The following GREB1L variants were observed in gnomAD, a reference collection of about 807,000 sequenced individuals.
GREB1L encodes GREB1 like retinoic acid receptor coactivator, also known as GREB1-like protein.
Under a neutral mutation model 200.8 loss-of-function variants are expected in GREB1L, and 17 were observed. The observed-to-expected ratio is 0.08, with a 90% CI of 0.06 to 0.13. The LOEUF (loss-of-function observed/expected upper bound fraction) is 0.13, where lower values mean the gene tolerates loss of function less well. Among genes scored for constraint, GREB1L ranks in the 10% least tolerant of loss-of-function variants. The probability of loss-of-function intolerance (pLI) is 1.00; values close to 1 mark genes in which losing one functional copy is unlikely to be tolerated. For synonymous variants in GREB1L, 789 were observed against 893.0 expected (o/e 0.88, Z 2.08); for missense variants, 1,657 against 2,367.7 (o/e 0.70, Z 6.23).
At position 21,268,520 on chromosome 18, in the gene GREB1L, TATACACAC is replaced by T. The variant is rs1382824728; in HGVS notation, c.-120+26129_-120+26136del. On this transcript the variant is annotated intron_variant, in intron 1 of 32. Transcript: ENST00000424526. ...ATATACATATATATATGTATATATA[TATACACAC>T]ACACACACACACACACACACACACA... Among the ~76,000 whole-genome samples the T allele has an allele frequency of 4.0e-5, 3 of 75,046 alleles. 1 individual carries two copies. Among genetic ancestry groups the T allele is most frequent in the African/African-American group, 1.4e-4 (2 of 14,440 alleles). 49.2% of individuals were successfully genotyped at this position (75,046 alleles called of 152,430 possible).
rs1451675422 is a variant in GREB1L, at chr18:21,440,210, T to C, written c.950-59T>C. ...TATATTACTCTGGCGTTCTTTCCTT[T>C]CTTCCACATGGCTGAGAACAAGACT... On this transcript the variant is annotated intron_variant, in intron 8 of 32. Transcript: ENST00000424526. 2.0e-6 allele frequency: 3 copies of C among 1,527,606 alleles called. No individual in the cohort carries two copies. The Admixed American group carries it at 6.0e-5, about 31-fold the overall frequency. 94.6% of individuals were successfully genotyped at this position (1,527,606 alleles called of 1,614,324 possible).
intron 1 of GREB1L, among the ~76,000 whole-genome samples, chr18:21,259,503 C>G (rs2037856311): frequency 1.3e-5 from 2 of 152,114 alleles, no homozygotes; most frequent in African/African-American, 2.4e-5. Context: ...AGTTAAAACA[C>G]AGTAATGTGA....
At chr18:21,253,145 A>G (rs1481341041) in intron 1 of GREB1L, among the ~76,000 whole-genome samples, 2 of 152,172 alleles carry the variant, frequency 1.3e-5, no homozygotes, top group Non-Finnish European at 2.9e-5. Context: ...GACTTGCCCA[A>G]GATCACTAAA....
intron 11 of GREB1L, 29 bp from the exon 12 acceptor site, chr18:21,449,481 A>C: frequency 4.4e-6 from 6 of 1,366,212 alleles, no homozygotes; most frequent in Non-Finnish European, 5.9e-6. Flanking sequence ...TGATTCTTTA[A>C]ATTCCAGCTG....
intron 7 of GREB1L, among the ~76,000 whole-genome samples, chr18:21,435,646 A>G (rs1270875476): frequency 3.3e-5 from 5 of 152,156 alleles, no homozygotes; most frequent in African/African-American, 4.8e-5. Flanking sequence ...AAAAGAAGGG[A>G]AGGGGGAAAA....
At chr18:21,362,650 A>T (rs2039597162) in intron 1 of GREB1L, among the ~76,000 whole-genome samples, 2 of 152,296 alleles carry the variant, frequency 1.3e-5, no homozygotes, top group African/African-American at 2.4e-5. Context: ...CGGGTTGTTA[A>T]TCTCCATAAT....
intron 1 of GREB1L, among the ~76,000 whole-genome samples, chr18:21,273,571 TA>T (rs2038113559): frequency 6.6e-6 from 1 of 152,238 alleles, no homozygotes; most frequent in Non-Finnish European, 1.5e-5. Flanking sequence ...TGTAATTATA[TA>T]ATTAAATGAT....
chr18:21,462,065 G>A (rs1185139379), intron 15 of GREB1L, among the ~76,000 whole-genome samples: 1 of 152,194 alleles, frequency 6.6e-6, no homozygotes, highest in Non-Finnish European at 1.5e-5. Flanking sequence ...TGTCAGGAAG[G>A]AAGAAGAGTT....
chr18:21,452,177 A>G lies in GREB1L; in HGVS notation c.1944A>G (p.Ser648=), dbSNP rs1214491082. 1.9e-6 allele frequency: 3 copies of G among 1,551,758 alleles called. No homozygotes were observed. Among genetic ancestry groups the G allele is most frequent in the East Asian group, 4.9e-5 (2 of 40,912 alleles). The part of the protein sequence containing the change: ...PFDGDLNECV[S]PQEAAAMIPT... ...ATGGAGACCTTAATGAATGTGTGTC[A>G]CCCCAGGAGGCTGCTGCTATGATTC... The change falls in exon 14 of 33, where the codon TCA becomes TCG. Residue 648 remains serine, a synonymous_variant. Coordinates refer to ENST00000424526, the MANE Select transcript of GREB1L (RefSeq NM_001142966.3).
chr18:21,454,627 CT>C, intron 15 of GREB1L, 64 bp downstream of exon 15: 1 of 1,245,316 alleles, frequency 8.0e-7, no homozygotes. Context: ...CTGCCTCTTT[CT>C]TTTGCTTAAT....
Position 21,523,025 on chromosome 18 carries a change from A to G in GREB1L, c.*204A>G, listed in dbSNP as rs780380707. The G allele has an allele frequency of 7.9e-6, 4 of 504,168 alleles. No individual in the cohort carries two copies. The highest frequency in any genetic ancestry group is 5.8e-5 in the African/African-American group (3 of 51,466). 31.2% of individuals were successfully genotyped at this position (504,168 alleles called of 1,614,324 possible). A position where few individuals can be genotyped will look rare whatever the true frequency, so the allele number is the denominator to read the frequency against. On this transcript the variant is annotated 3_prime_UTR_variant, in exon 33 of 33. Transcript: ENST00000424526. ...TCAGTTCCAATTACAGGACCCTTAA[A>G]TTCAGGTAAACTCTATCCTAGGCAG...
rs143655894 is a variant in GREB1L at position 21,442,883 on chromosome 18, T to C, written c.1208-1341T>C. On this transcript the variant is annotated intron_variant, in intron 10 of 32. Coordinates refer to ENST00000424526, the MANE Select transcript of GREB1L (RefSeq NM_001142966.3). ...AAAGGAAATCTCAGGAAGTGAAACATGTATTGTCATTTGTTTCTGTTTTTG... is the reference window on the plus strand; with the variant it reads ...AAAGGAAATCTCAGGAAGTGAAACACGTATTGTCATTTGTTTCTGTTTTTG... 7.3e-4 allele frequency among the ~76,000 whole-genome samples: 110 copies of C among 151,380 alleles called. 2 individuals carry two copies. The East Asian group carries it at 0.013, about 18-fold the overall frequency.
At chr18:21,440,602 T>C (rs2033843931) in intron 9 of GREB1L, among the ~76,000 whole-genome samples, 1 of 152,330 alleles carries the variant, frequency 6.6e-6, no homozygotes, top group Non-Finnish European at 1.5e-5. Flanking sequence ...ACCCATAGCA[T>C]TGAAAAGCCA....
chr18:21,393,456 C>G (rs928657515), intron 4 of GREB1L, among the ~76,000 whole-genome samples: 1 of 151,848 alleles, frequency 6.6e-6, no homozygotes, highest in Admixed American at 6.6e-5. Context: ...GCCACCATGC[C>G]TAGCTAATTT....
At chr18:21,305,056 G>A (rs543548008) in intron 1 of GREB1L, among the ~76,000 whole-genome samples, 1 of 151,414 alleles carries the variant, frequency 6.6e-6, no homozygotes, top group South Asian at 2.1e-4. Flanking sequence ...TTGGCTCACT[G>A]TAACTTCCTC....
chr18:21,394,753 G>A lies in GREB1L; in HGVS notation c.356-632G>A, dbSNP rs72881373. ...AATTTGGATTGGAAGTAAAATAATC[G>A]TATTACATGCACATAAAAACTACGT... On this transcript the variant is annotated intron_variant, in intron 4 of 32. Coordinates refer to ENST00000424526, the MANE Select transcript of GREB1L (RefSeq NM_001142966.3). Among the ~76,000 whole-genome samples, 559 of 151,918 alleles carry A rather than the reference G, an allele frequency of 3.7e-3. 4 individuals carry two copies. The highest frequency in any genetic ancestry group is 6.0e-3 in the Non-Finnish European group (407 of 67,970).
chr18:21,397,537 A>AT (rs1393784122), intron 5 of GREB1L, among the ~76,000 whole-genome samples: 202 of 138,994 alleles, frequency 1.5e-3, no homozygotes, highest in African/African-American at 5.6e-3. Context: ...AAAAAAAAAA[A>AT]AAAAAATAAT....
At chr18:21,455,236 C>T (rs1271378718) in intron 15 of GREB1L, 1 of 151,954 alleles carries the variant, frequency 6.6e-6, no homozygotes, top group Non-Finnish European at 1.5e-5. Flanking sequence ...CTTGAAACAG[C>T]TGTAAAATGC....
rs551329036 is a variant in GREB1L, at chr18:21,337,412, G to A, written c.-119-28615G>A. Among the ~76,000 whole-genome samples the A allele has an allele frequency of 3.3e-5, 5 of 152,282 alleles. No homozygotes were observed. In the South Asian group the frequency reaches 6.2e-4, roughly 19 times the overall value. The stretch of plus-strand genomic sequence containing the variant: ...TGCTAGCCTGAGAGGAAAAGGTAAA[G>A]GTCAAATGCTACAGGCATCCAAGAA... On this transcript the variant is annotated intron_variant, in intron 1 of 32. Transcript: ENST00000424526.
Sources: allele counts gnomAD v4.1 joint callset (sites outside exome capture counted in the v4.1 genomes callset), GRCh38; gene constraint gnomAD v4.1.1; transcripts MANE v1.5; gene names NCBI Gene and HGNC (gene_info 2026-07-23, HGNC 2026-07-21).